The following KCNN2 variants were observed in gnomAD, a reference collection of about 807,000 sequenced individuals.
KCNN2 encodes small conductance calcium-activated potassium channel protein 2.
KCNN2 carries 24 observed loss-of-function variants against 55.5 expected under a neutral mutation model. That is an observed-to-expected ratio of 0.43 (90% CI 0.31 to 0.61). The LOEUF is 0.61. KCNN2 is among the 20% of genes least tolerant of loss of function. The probability of loss-of-function intolerance (pLI) is 0.08; values close to 1 mark genes in which losing one functional copy is unlikely to be tolerated. For missense variants in KCNN2, 754 were observed against 853.6 expected, an observed-to-expected ratio of 0.88 and a Z score of 1.45; for synonymous variants, 431 against 336.1, an observed-to-expected ratio of 1.28 and a Z score of -3.09.
At position 114,067,009 on chromosome 5, in the gene KCNN2, A is replaced by C. The variant is rs186328033; in HGVS notation, c.-271+10509A>C. Among the ~76,000 whole-genome samples, 155 of 152,356 alleles carry C rather than the reference A, an allele frequency of 1.0e-3. 1 individual carries two copies. The highest frequency in any genetic ancestry group is 3.6e-3 in the African/African-American group (150 of 41,578). On this transcript the variant is annotated intron_variant, in intron 1 of 10. Coordinates refer to the KCNN2 transcript ENST00000512097. ...ATCAATTTATTATTTCACAGTAAGGACATTCAAACAACTTCAGCTGCCAGT... is the reference window on the plus strand; with the variant it reads ...ATCAATTTATTATTTCACAGTAAGGCCATTCAAACAACTTCAGCTGCCAGT...
chr5:114,305,166 C>T (rs573194900), intron 2 of KCNN2, among the ~76,000 whole-genome samples: 2 of 152,220 alleles, frequency 1.3e-5, no homozygotes, highest in South Asian at 2.1e-4. Flanking sequence ...GAAAAATAAT[C>T]GTGTTTGGTA....
intron 2 of KCNN2, among the ~76,000 whole-genome samples, chr5:114,398,286 G>A (rs1370292530): frequency 2.0e-5 from 3 of 152,048 alleles, no homozygotes; most frequent in Admixed American, 6.5e-5. Flanking sequence ...CAAATAGGGC[G>A]TCCTTTCTTC....
intron 1 of KCNN2, among the ~76,000 whole-genome samples, chr5:114,218,895 G>T (rs534441626): frequency 1.3e-5 from 2 of 152,298 alleles, no homozygotes; most frequent in African/African-American, 4.8e-5. Context: ...CATGGGACTT[G>T]TGGCATGGTA....
chr5:114,060,128 C>T lies in KCNN2; in HGVS notation c.-271+3628C>T, dbSNP rs527342039. Among the ~76,000 whole-genome samples, 125 of 152,226 alleles carry T rather than the reference C, an allele frequency of 8.2e-4. 2 individuals carry two copies. The highest frequency in any genetic ancestry group is 1.6e-3 in the Non-Finnish European group (111 of 68,040). On this transcript the variant is annotated intron_variant, in intron 1 of 10. Coordinates refer to the KCNN2 transcript ENST00000512097. ...GCTAAGGCATTCCCATACCAGATAT[C>T]ACATCCCATCATGCTGCTATGAGTA... is the stretch of plus-strand genomic sequence containing the variant.
At chr5:114,482,052 G>A (rs1183240787) in intron 5 of KCNN2, among the ~76,000 whole-genome samples, 1 of 152,076 alleles carries the variant, frequency 6.6e-6, no homozygotes, top group Non-Finnish European at 1.5e-5. Context: ...AAACTAAAGA[G>A]TTTCTGCACA....
At chr5:114,308,622 G>A (rs1202588657) in intron 2 of KCNN2, among the ~76,000 whole-genome samples, 2 of 152,162 alleles carry the variant, frequency 1.3e-5, no homozygotes, top group African/African-American at 2.4e-5. Context: ...TACTGTCATA[G>A]CATGTGTGAA....
intron 1 of KCNN2, among the ~76,000 whole-genome samples, chr5:114,128,021 C>G (rs867734842): frequency 1.6e-4 from 24 of 152,154 alleles, no homozygotes; most frequent in Non-Finnish European, 2.9e-4. Context: ...CAACAAATCT[C>G]TAGGAAGTTC....
Position 114,406,935 on chromosome 5 carries a change from A to G in KCNN2, c.1637+2079A>G, listed in dbSNP as rs934615715. Among the ~76,000 whole-genome samples the G allele has an allele frequency of 2.0e-5, 3 of 152,142 alleles. No individual in the cohort carries two copies. In the East Asian group the frequency reaches 5.8e-4, roughly 29 times the overall value. On this transcript the variant is annotated intron_variant, in intron 3 of 7. Transcript: ENST00000673685. ...TCATGCTTAACTGGTAATCAGCTGG[A>G]TATAAAACTCTAGATTGGAAATCAC...
chr5:114,221,534 C>A (rs1306830699), exon 2 of KCNN2, among the ~76,000 whole-genome samples: 1 of 152,058 alleles, frequency 6.6e-6, no homozygotes, highest in Non-Finnish European at 1.5e-5. Context: ...AAAAATGAAT[C>A]TAAGGAATGG....
chr5:114,449,527 A>T (rs1760558513), intron 3 of KCNN2, among the ~76,000 whole-genome samples: 1 of 152,140 alleles, frequency 6.6e-6, no homozygotes, highest in African/African-American at 2.4e-5. Context: ...CCACCTGGTG[A>T]GGTAGACAGT....
At chr5:114,460,951 C>T (rs774390201) in intron 3 of KCNN2, among the ~76,000 whole-genome samples, 1 of 152,168 alleles carries the variant, frequency 6.6e-6, no homozygotes, top group African/African-American at 2.4e-5. Flanking sequence ...ACAGACCATT[C>T]TTACGATAGG....
At chr5:114,287,069 G>A (rs1184275834) in intron 2 of KCNN2, among the ~76,000 whole-genome samples, 1 of 152,194 alleles carries the variant, frequency 6.6e-6, no homozygotes, top group Non-Finnish European at 1.5e-5. Context: ...TCGTCAGCCA[G>A]TCAGTATTAT....
chr5:114,349,724 A>C (rs978838988), intron 2 of KCNN2, among the ~76,000 whole-genome samples: 1 of 152,122 alleles, frequency 6.6e-6, no homozygotes, highest in Admixed American at 6.6e-5. Flanking sequence ...TTCATGTAAA[A>C]GTTTTTGTAT....
intron 2 of KCNN2, among the ~76,000 whole-genome samples, chr5:114,255,258 T>A (rs1201346508): frequency 2.0e-5 from 3 of 152,090 alleles, no homozygotes; most frequent in Non-Finnish European, 4.4e-5. Flanking sequence ...ATTGTAGTGT[T>A]GTAGTAGAGC....
chr5:114,205,649 CA>C (rs1269904092), intron 1 of KCNN2, among the ~76,000 whole-genome samples: 1 of 152,112 alleles, frequency 6.6e-6, no homozygotes, highest in Non-Finnish European at 1.5e-5. Context: ...TTTTTCTCCC[CA>C]GAAGGAAACC....
At chr5:114,376,074 T>C (rs919190398) in intron 2 of KCNN2, among the ~76,000 whole-genome samples, 11 of 151,594 alleles carry the variant, frequency 7.3e-5, no homozygotes, top group Admixed American at 7.2e-4. Context: ...GACCACGTTC[T>C]GCGTCTCATC....
chr5:114,442,191 G>A (rs1760240079), intron 3 of KCNN2, among the ~76,000 whole-genome samples: 1 of 151,224 alleles, frequency 6.6e-6, no homozygotes, highest in Non-Finnish European at 1.5e-5. Context: ...TTTCACGTGG[G>A]GAAGAGACAT....
At chr5:114,470,714 C>T (rs185935699) in intron 4 of KCNN2, among the ~76,000 whole-genome samples, 3 of 152,256 alleles carry the variant, frequency 2.0e-5, no homozygotes, top group East Asian at 1.9e-4. Context: ...CCTTGTTTAT[C>T]GTGTCTTCAT....
chr5:114,208,506 C>A (rs918461414), intron 1 of KCNN2, among the ~76,000 whole-genome samples: 2 of 152,138 alleles, frequency 1.3e-5, no homozygotes, highest in African/African-American at 4.8e-5. Context: ...TGTAGTGTAT[C>A]TATCAACCCA....
Sources: gnomAD v4.1 joint callset for allele counts (sites outside exome capture counted in the v4.1 genomes callset) on GRCh38, gnomAD v4.1.1 for gene constraint, MANE v1.5 for transcripts, NCBI Gene and HGNC (gene_info 2026-07-23, HGNC 2026-07-21) for gene names.